The following ANKRD36C variants were observed in gnomAD, a reference collection of about 807,000 sequenced individuals.
ANKRD36C encodes ankyrin repeat domain 36C.
A neutral mutation model predicts 276.4 loss-of-function variants in ANKRD36C; 61 were observed. That is an observed-to-expected ratio of 0.22 (90% CI 0.18 to 0.27). The LOEUF (loss-of-function observed/expected upper bound fraction) is 0.27. ANKRD36C is among the 10% of genes least tolerant of loss of function. ANKRD36C has a pLI of 1.00. For missense variants in ANKRD36C, 1,447 were observed against 2,032.3 expected (o/e 0.71, Z 5.54); for synonymous variants, 483 against 680.1 (o/e 0.71, Z 4.51).
At chr2:95,956,634 T>A (rs959921568) in intron 13 of ANKRD36C, among the ~76,000 whole-genome samples, 152 bp downstream of exon 13, 1 of 152,166 alleles carries the variant, frequency 6.6e-6, no homozygotes, top group African/African-American at 2.4e-5. Context: ...GCACAAATAG[T>A]TTGTAAAGCT....
intron 58 of ANKRD36C, among the ~76,000 whole-genome samples, chr2:95,879,202 AG>A (rs1180534236): frequency 1.3e-5 from 2 of 152,236 alleles, no homozygotes; most frequent in African/African-American, 4.8e-5. Context: ...AGGCAAAGAA[AG>A]GAAGGCTTCA....
intron 44 of ANKRD36C, among the ~76,000 whole-genome samples, chr2:95,896,884 T>C (rs1435197229): frequency 1.3e-5 from 2 of 149,410 alleles, no homozygotes; most frequent in African/African-American, 4.9e-5. Flanking sequence ...TACGGGTTGT[T>C]ACAACAAGCT....
chr2:95,882,224 C>T (rs1393805102), intron 56 of ANKRD36C, 78 bp downstream of exon 76: 1 of 1,505,420 alleles, frequency 6.6e-7, no homozygotes, highest in African/African-American at 1.4e-5. Flanking sequence ...CAATGAGCCC[C>T]CTGCTGATCT....
chr2:95,982,641 C>T (rs1678946320), intron 3 of ANKRD36C, among the ~76,000 whole-genome samples: 1 of 103,526 alleles, frequency 9.7e-6, no homozygotes, highest in Non-Finnish European at 1.9e-5. Flanking sequence ...TTTAGCATGG[C>T]ATGTTTCAAG....
chr2:95,903,294 C>T (rs1676711798), intron 42 of ANKRD36C, among the ~76,000 whole-genome samples: 1 of 150,448 alleles, frequency 6.6e-6, no homozygotes, highest in Admixed American at 6.6e-5. Context: ...GAATTTCAAA[C>T]ATGGTATGAT....
intron 59 of ANKRD36C, among the ~76,000 whole-genome samples, chr2:95,873,913 G>A: frequency 6.6e-6 from 1 of 152,172 alleles, no homozygotes; most frequent in Non-Finnish European, 1.5e-5. Context: ...AATCATGAGT[G>A]AATTCCCATT....
At chr2:95,916,706 ATC>A (rs1363611348) in intron 36 of ANKRD36C, among the ~76,000 whole-genome samples, 2 of 151,674 alleles carry the variant, frequency 1.3e-5, no homozygotes, top group Admixed American at 6.6e-5. Context: ...CACCTTGGAT[ATC>A]TGTTTGCTGA....
intron 36 of ANKRD36C, among the ~76,000 whole-genome samples, chr2:95,917,549 T>A (rs967356356): frequency 1.1e-4 from 16 of 151,532 alleles, no homozygotes; most frequent in Non-Finnish European, 2.4e-4. Context: ...AGTGAAACCA[T>A]GCTGTAGAAT....
At chr2:95,873,469 C>A (rs918444165) in intron 59 of ANKRD36C, among the ~76,000 whole-genome samples, 4 of 152,224 alleles carry the variant, frequency 2.6e-5, no homozygotes, top group East Asian at 3.9e-4. Flanking sequence ...ATTCAACAAC[C>A]CTTCATGCTA....
chr2:95,883,701 C>A (rs903103732), intron 54 of ANKRD36C, among the ~76,000 whole-genome samples: 1 of 152,034 alleles, frequency 6.6e-6, no homozygotes, highest in Non-Finnish European at 1.5e-5. Flanking sequence ...TCCCTCCTTT[C>A]TGCCTGACAA....
chr2:95,872,839 C>A (rs1158962748), intron 59 of ANKRD36C, among the ~76,000 whole-genome samples: 1 of 152,046 alleles, frequency 6.6e-6, no homozygotes. Context: ...GGGGATATCA[C>A]CACCGATCCC....
At chr2:95,923,111 G>A (rs117351319) in intron 32 of ANKRD36C, among the ~76,000 whole-genome samples, 1 of 151,300 alleles carries the variant, frequency 6.6e-6, no homozygotes, top group Admixed American at 6.6e-5. Context: ...TGGTTATTAT[G>A]ATCACTTTTC....
At chr2:95,979,277 C>T (rs1678870250) in intron 5 of ANKRD36C, among the ~76,000 whole-genome samples, 1 of 151,890 alleles carries the variant, frequency 6.6e-6, no homozygotes, top group South Asian at 2.1e-4. Flanking sequence ...ATGACCTTCC[C>T]GTGACTGCAA....
chr2:95,859,487 G>C (rs1200748611), intron 61 of ANKRD36C, among the ~76,000 whole-genome samples: 1 of 152,058 alleles, frequency 6.6e-6, no homozygotes, highest in Admixed American at 6.6e-5. Context: ...ACTTTAACCA[G>C]AAGAATTTAT....
intron 44 of ANKRD36C, among the ~76,000 whole-genome samples, 151 bp from the exon 63 acceptor site, chr2:95,893,875 G>A (rs1676453021): frequency 6.6e-6 from 1 of 151,450 alleles, no homozygotes; most frequent in Non-Finnish European, 1.5e-5. Flanking sequence ...ACTAGAACAT[G>A]ACAGAAATAC....
chr2:95,858,639 A>G (rs1351058388), intron 61 of ANKRD36C, among the ~76,000 whole-genome samples: 4 of 152,196 alleles, frequency 2.6e-5, no homozygotes, highest in African/African-American at 9.6e-5. Flanking sequence ...ATACATTTTC[A>G]TCTTCATGAA....
At chr2:95,881,672 C>T (rs564784466) in intron 56 of ANKRD36C, among the ~76,000 whole-genome samples, 19 of 152,256 alleles carry the variant, frequency 1.2e-4, no homozygotes, top group African/African-American at 4.3e-4. Context: ...TCTAGCACTC[C>T]TTCTTGATTC....
At chr2:95,991,139 C>T (rs892704287) in intron 1 of ANKRD36C, among the ~76,000 whole-genome samples, 7 of 139,192 alleles carry the variant, frequency 5.0e-5, no homozygotes, top group African/African-American at 1.1e-4. Flanking sequence ...CACCCCTTTC[C>T]GCCACCCCAT....
chr2:95,885,357 C>T (rs1330658371), intron 52 of ANKRD36C, among the ~76,000 whole-genome samples: 2 of 151,904 alleles, frequency 1.3e-5, no homozygotes, highest in Non-Finnish European at 2.9e-5. Flanking sequence ...ATCAACAAAA[C>T]GTGTATCTCT....
Sources: gnomAD v4.1 joint callset for allele counts (sites outside exome capture counted in the v4.1 genomes callset) on GRCh38, gnomAD v4.1.1 for gene constraint, MANE v1.5 for transcripts, NCBI Gene and HGNC (gene_info 2026-07-23, HGNC 2026-07-21) for gene names.